PRKACB: variants seen among roughly 807,000 people sequenced by gnomAD.
PRKACB encodes cAMP-dependent protein kinase catalytic subunit beta.
Under a neutral mutation model 51.4 loss-of-function variants are expected in PRKACB, and 16 were observed. That is an observed-to-expected ratio of 0.31 (90% CI 0.21 to 0.47). The LOEUF (loss-of-function observed/expected upper bound fraction) is 0.47. Ranked by LOEUF, PRKACB falls within the 20% of genes least tolerant of loss-of-function variation. The pLI is 1.00. For synonymous variants in PRKACB, 147 were observed against 154.4 expected (o/e 0.95, Z 0.35); for missense variants, 309 against 464.5 (o/e 0.67, Z 3.08).
intron 1 of PRKACB, among the ~76,000 whole-genome samples, chr1:84,091,184 T>G (rs557263152): frequency 6.6e-6 from 1 of 152,272 alleles, no homozygotes; most frequent in South Asian, 2.1e-4. Context: ...GGGTAAAACC[T>G]GAGACGAGAA....
At chr1:84,098,768 G>C (rs1649117108) in intron 1 of PRKACB, among the ~76,000 whole-genome samples, 2 of 152,024 alleles carry the variant, frequency 1.3e-5, no homozygotes, top group Admixed American at 1.3e-4. Flanking sequence ...CCAGGGTTCT[G>C]GTTTTGCCAA....
chr1:84,180,426 T>A (rs1400117436), intron 2 of PRKACB, among the ~76,000 whole-genome samples: 1 of 150,526 alleles, frequency 6.6e-6, no homozygotes, highest in Non-Finnish European at 1.5e-5. Context: ...TGGGGGAGAA[T>A]GGGAGGGAGG....
chr1:84,126,458 G>C (rs543692538), intron 1 of PRKACB, among the ~76,000 whole-genome samples: 1 of 152,262 alleles, frequency 6.6e-6, no homozygotes, highest in African/African-American at 2.4e-5. Flanking sequence ...AAGTCAAGCT[G>C]CTTCTCTTTG....
At chr1:84,154,618 A>G (rs960294347) in intron 1 of PRKACB, among the ~76,000 whole-genome samples, 11 of 152,194 alleles carry the variant, frequency 7.2e-5, no homozygotes, top group Admixed American at 2.6e-4. Flanking sequence ...GCAAAAGAAA[A>G]TTATAGGCCA....
intron 1 of PRKACB, among the ~76,000 whole-genome samples, chr1:84,088,733 C>G (rs1010279687): frequency 2.0e-5 from 3 of 152,150 alleles, no homozygotes; most frequent in Non-Finnish European, 2.9e-5. Flanking sequence ...ATTTGTCTTT[C>G]ATTCATTCTT....
rs140930808 is a variant in PRKACB at position 84,218,406 on chromosome 1, A to G, written c.1071+4089A>G. Among the ~76,000 whole-genome samples, 15 of 152,312 alleles carry G rather than the reference A, an allele frequency of 9.8e-5. No homozygotes were observed. The East Asian group carries it at 2.7e-3, about 27-fold the overall frequency. ...TTAGGTTCCACATGTAAGTAAGAAC[A>G]TGTGATATTGTCTTTCTGTGCCTGG... On this transcript the variant is annotated intron_variant, in intron 9 of 9. Transcript: ENST00000370685.
At chr1:84,126,115 G>A (rs1021836432) in intron 1 of PRKACB, among the ~76,000 whole-genome samples, 7 of 151,990 alleles carry the variant, frequency 4.6e-5, no homozygotes, top group Non-Finnish European at 1.0e-4. Flanking sequence ...TGTGACCTCC[G>A]GAGTCCTAGA....
At chr1:84,146,171 C>T (rs1254546532) in intron 1 of PRKACB, among the ~76,000 whole-genome samples, 2 of 150,290 alleles carry the variant, frequency 1.3e-5, no homozygotes, top group Admixed American at 6.6e-5. Context: ...GAAGTCAAAA[C>T]AAATAGGATT....
intron 1 of PRKACB, among the ~76,000 whole-genome samples, chr1:84,085,424 A>G (rs1647889463): frequency 6.6e-6 from 1 of 152,236 alleles, no homozygotes; most frequent in South Asian, 2.1e-4. Context: ...AAGTGACGGT[A>G]TAAAATCAAG....
chr1:84,147,341 A>G (rs1654241244), intron 1 of PRKACB, among the ~76,000 whole-genome samples: 1 of 152,028 alleles, frequency 6.6e-6, no homozygotes, highest in African/African-American at 2.4e-5. Context: ...CAAATTTTAT[A>G]CAATCTCTCA....
chr1:84,205,958 A>G (rs907235167), intron 8 of PRKACB, among the ~76,000 whole-genome samples: 4 of 152,196 alleles, frequency 2.6e-5, no homozygotes, highest in Admixed American at 2.6e-4. Context: ...TTCTGTATGT[A>G]GTCTTTAAAT....
At chr1:84,171,321 T>C (rs1017491001) in intron 1 of PRKACB, among the ~76,000 whole-genome samples, 1 of 151,520 alleles carries the variant, frequency 6.6e-6, no homozygotes, top group African/African-American at 2.4e-5. Flanking sequence ...GTGGGTGGAA[T>C]AGAAAATAAA....
At chr1:84,164,540 A>G in intron 1 of PRKACB, 1 of 1,443,246 alleles carries the variant, frequency 6.9e-7, no homozygotes, top group South Asian at 1.3e-5. Context: ...TAAAATAAAA[A>G]GGTATTTTAT....
intron 1 of PRKACB, among the ~76,000 whole-genome samples, chr1:84,084,896 T>C (rs1320776859): frequency 1.3e-5 from 2 of 152,186 alleles, no homozygotes; most frequent in Non-Finnish European, 2.9e-5. Context: ...GTCTTTTATC[T>C]CCCAGCCATG....
chr1:84,129,188 A>G (rs994538789), intron 1 of PRKACB, among the ~76,000 whole-genome samples: 1 of 152,100 alleles, frequency 6.6e-6, no homozygotes, highest in Non-Finnish European at 1.5e-5. Context: ...GTTTTTGCAT[A>G]TTGTATTAAC....
At chr1:84,140,198 A>C (rs1653267176), upstream of PRKACB, among the ~76,000 whole-genome samples, 1 of 152,270 alleles carries the variant, frequency 6.6e-6, no homozygotes, top group Non-Finnish European at 1.5e-5. Context: ...TAGAGAGTCC[A>C]GAAATAGACT....
intron 9 of PRKACB, among the ~76,000 whole-genome samples, chr1:84,234,646 C>T (rs539101595): frequency 2.2e-4 from 34 of 152,318 alleles, no homozygotes; most frequent in East Asian, 9.7e-4. Flanking sequence ...GTGGGAAAAG[C>T]GCAGTATTCG....
intron 1 of PRKACB, among the ~76,000 whole-genome samples, chr1:84,080,263 T>G (rs1647419140): frequency 6.6e-6 from 1 of 152,198 alleles, no homozygotes; most frequent in Non-Finnish European, 1.5e-5. Context: ...CAATTCTCCC[T>G]TAGTATTAAT....
intron 1 of PRKACB, among the ~76,000 whole-genome samples, chr1:84,125,601 G>C (rs530026842): frequency 2.6e-5 from 4 of 152,152 alleles, no homozygotes; most frequent in Non-Finnish European, 5.9e-5. Flanking sequence ...GAAGTACAGA[G>C]AGCCTACGAC....
Sources: allele counts gnomAD v4.1 joint callset (sites outside exome capture counted in the v4.1 genomes callset), GRCh38; gene constraint gnomAD v4.1.1; transcripts MANE v1.5; gene names NCBI Gene and HGNC (gene_info 2026-07-23, HGNC 2026-07-21).